The following IRS1 variants were observed in gnomAD, a reference collection of about 807,000 sequenced individuals.
IRS1 encodes the protein insulin receptor substrate 1.
In IRS1, 34 loss-of-function variants were observed where a neutral mutation model predicts 65.6. That is an observed-to-expected ratio of 0.52 (90% CI 0.39 to 0.69). The LOEUF (loss-of-function observed/expected upper bound fraction) is 0.69. IRS1 is among the 30% of genes least tolerant of loss of function. The probability of loss-of-function intolerance (pLI) is 0.00; values close to 1 mark genes in which losing one functional copy is unlikely to be tolerated. For synonymous variants in IRS1, 699 were observed against 683.5 expected, an observed-to-expected ratio of 1.02 and a Z score of -0.35; for missense variants, 1,641 against 1,720.2, an observed-to-expected ratio of 0.95 and a Z score of 0.81.
intron 1 of IRS1, chr2:226,792,175 C>A (rs1939626227): frequency 6.6e-6 from 1 of 151,608 alleles, no homozygotes; most frequent in African/African-American, 2.4e-5. Context: ...GAGGGCATAA[C>A]AAAGAATGAC....
At chr2:226,751,370 A>G (rs898873716) in intron 1 of IRS1, among the ~76,000 whole-genome samples, 6 of 129,382 alleles carry the variant, frequency 4.6e-5, no homozygotes, top group South Asian at 4.9e-4. Context: ...TGCAAGCTCC[A>G]CCTCCCGGGT....
chr2:226,742,012 C>T (rs1328032777), intron 1 of IRS1, among the ~76,000 whole-genome samples: 1 of 152,122 alleles, frequency 6.6e-6, no homozygotes, highest in Non-Finnish European at 1.5e-5. Context: ...CAGCTTAAAG[C>T]CTTGGTTCTA....
chr2:226,798,783 AAAC>A lies in IRS1; in HGVS notation c.-48_-46del. 8 of 1,583,312 alleles carry A rather than the reference AAAC, an allele frequency of 5.1e-6. No homozygotes were observed. Among genetic ancestry groups the A allele is most frequent in the Non-Finnish European group, 6.9e-6 (8 of 1,165,600 alleles). ...ACGCTGAGCAGAGGGAGGCTCCGAAAAACAACCGGGTGGGGGGCGGAGGCTCCT... is the reference window on the plus strand; with the variant it reads ...ACGCTGAGCAGAGGGAGGCTCCGAAAAACCGGGTGGGGGGCGGAGGCTCCT... On this transcript the variant is annotated 5_prime_UTR_variant, in exon 1 of 2. Coordinates refer to ENST00000305123, the MANE Select transcript of IRS1 (RefSeq NM_005544.3). This position sits in a 1 kb window ranked among gnomAD's most constrained non-coding sequence, Gnocchi z 9.4.
chr2:226,797,539 A>G lies in IRS1; in HGVS notation c.1200T>C (p.His400=), dbSNP rs13306468. The G allele has an allele frequency of 2.0e-4, 321 of 1,609,392 alleles. No individual in the cohort carries two copies. The East Asian group carries it at 4.2e-3, about 21-fold the overall frequency. The change falls in exon 1 of 2, where the codon CAT becomes CAC. Residue 400 remains histidine, a synonymous_variant. Transcript: ENST00000305123. The surrounding 1 kb of genome is among the most constrained non-coding windows in gnomAD (Gnocchi z 8.1). Reference sequence around the variant, plus strand: ...GGAAGAGACAATCCGAGGTGGAGCCATGGCCACTGGTGCTACTGGACGACA... The same window carrying G: ...GGAAGAGACAATCCGAGGTGGAGCCGTGGCCACTGGTGCTACTGGACGACA... ...VSLSSSSTSG[H]GSTSDCLFPR... is the part of the protein sequence containing the mutation.
In IRS1 at chr2:226,735,889, T is replaced by TGA. The variant is rs1408572144; in HGVS notation, c.*382_*383insTC. 6.5e-6 allele frequency: 1 copy of TGA among 152,690 alleles called. No individual in the cohort carries two copies. The highest frequency in any genetic ancestry group is 1.5e-5 in the Non-Finnish European group (1 of 68,044). 9.5% of individuals were successfully genotyped at this position (152,690 alleles called of 1,614,324 possible). A position where few individuals can be genotyped will look rare whatever the true frequency, so the allele number is the denominator to read the frequency against. ...CAATGATGCTTTGTCGTACACAGTT[T>TGA]CAGCAGCAGATGAAATGTATCTTGA... On this transcript the variant is annotated 3_prime_UTR_variant, in exon 2 of 2. Transcript: ENST00000305123.
chr2:226,792,169 G>C (rs924521508), intron 1 of IRS1: 1 of 151,978 alleles, frequency 6.6e-6, no homozygotes, highest in Non-Finnish European at 1.5e-5. Flanking sequence ...AAGGGGGAGG[G>C]CATAACAAAG....
intron 1 of IRS1, among the ~76,000 whole-genome samples, chr2:226,750,845 G>C (rs559577294): frequency 1.9e-4 from 29 of 152,092 alleles, no homozygotes; most frequent in Non-Finnish European, 4.1e-4. Context: ...GTTAAAGTGC[G>C]GATTCTGCTT....
chr2:226,755,913 G>T (rs1482303313), intron 1 of IRS1, among the ~76,000 whole-genome samples: 2 of 152,228 alleles, frequency 1.3e-5, no homozygotes, highest in Admixed American at 1.3e-4. Context: ...GTATATGGGA[G>T]AGAAGCACGG....
intron 1 of IRS1, among the ~76,000 whole-genome samples, chr2:226,757,790 C>T (rs188070964): frequency 1.7e-3 from 264 of 152,148 alleles, no homozygotes; most frequent in Middle Eastern, 0.01. Context: ...AAGCCTTTTC[C>T]CTTGAACTTT....
intron 1 of IRS1, among the ~76,000 whole-genome samples, chr2:226,740,205 G>C (rs141981661): frequency 1.3e-5 from 2 of 152,278 alleles, no homozygotes; most frequent in South Asian, 4.1e-4. Flanking sequence ...GAAATACAAT[G>C]CACCTGTCAC....
intron 1 of IRS1, among the ~76,000 whole-genome samples, chr2:226,769,267 CTG>C (rs1312693324): frequency 6.6e-6 from 1 of 152,140 alleles, no homozygotes; most frequent in Non-Finnish European, 1.5e-5. Flanking sequence ...GATGATGAAA[CTG>C]AAGACAACTA....
intron 1 of IRS1, among the ~76,000 whole-genome samples, chr2:226,774,223 A>G (rs1248581933): frequency 6.6e-6 from 1 of 152,240 alleles, no homozygotes; most frequent in African/African-American, 2.4e-5. Context: ...TCAAAATCAC[A>G]AAATACTTTT....
rs1939709611 is a variant in IRS1 at position 226,795,840 on chromosome 2, G to A, written c.2899C>T (p.Pro967Ser). The stretch of plus-strand genomic sequence containing the variant: ...ATGCTAGCAGCCCCGGGAGGTGCAG[G>A]GCCCAGTCTGCCCATCTCGACCCCA... ...STGVEMGRLG[P>S]APPGAASICR... The change falls in exon 1 of 2, where the codon CCT (proline) becomes TCT (serine). Residue 967 changes from proline (P) to serine (S), a missense_variant. Physicochemically the swap from Pro to Ser is moderately conservative, Grantham distance 74. Coordinates refer to ENST00000305123, the MANE Select transcript of IRS1 (RefSeq NM_005544.3). 1 of 1,613,296 alleles carries A rather than the reference G, an allele frequency of 6.2e-7. No homozygotes were observed. Among genetic ancestry groups the A allele is most frequent in the Non-Finnish European group, 8.5e-7 (1 of 1,179,906 alleles).
At chr2:226,777,968 A>G (rs898406188) in intron 1 of IRS1, among the ~76,000 whole-genome samples, 12 of 152,184 alleles carry the variant, frequency 7.9e-5, no homozygotes, top group Non-Finnish European at 1.8e-4. Context: ...TAGTCAGTTT[A>G]ATTAGAATTG....
At chr2:226,780,792 G>A (rs1245681579) in intron 1 of IRS1, among the ~76,000 whole-genome samples, 2 of 152,112 alleles carry the variant, frequency 1.3e-5, no homozygotes, top group African/African-American at 2.4e-5. Flanking sequence ...ATCTGATATT[G>A]TTAAATCTGA....
chr2:226,776,954 C>T (rs1236408086), intron 1 of IRS1, among the ~76,000 whole-genome samples: 1 of 152,078 alleles, frequency 6.6e-6, no homozygotes, highest in East Asian at 1.9e-4. Context: ...AGAAAAACAT[C>T]AGACAAATCC....
At position 226,799,666 on chromosome 2, in the gene IRS1, C is replaced by G; in HGVS notation, c.-928G>C. 1 of 1,000,120 alleles carries G rather than the reference C, an allele frequency of 1.0e-6. No homozygotes were observed. The highest frequency in any genetic ancestry group is 1.2e-6 in the Non-Finnish European group (1 of 829,914). 62.0% of individuals were successfully genotyped at this position (1,000,120 alleles called of 1,614,324 possible). On this transcript the variant is annotated 5_prime_UTR_variant, in exon 1 of 2. Transcript: ENST00000305123. The surrounding 1 kb of genome is among the most constrained non-coding windows in gnomAD (Gnocchi z 6.1). Reference sequence around the variant, plus strand: ...GCAGTTACTTCTCCCCTCCTCCCTCCTCCTCCTCCTCCTCGGAGAGTTGCC... The same window carrying G: ...GCAGTTACTTCTCCCCTCCTCCCTCGTCCTCCTCCTCCTCGGAGAGTTGCC...
chr2:226,731,891 G>T lies in IRS1; in HGVS notation c.*4381C>A, dbSNP rs1395119734. On this transcript the variant is annotated 3_prime_UTR_variant, in exon 2 of 2. Transcript: ENST00000305123. ...TATGCAAATATGGACAAGTTTTCCT[G>T]TTTACTGAATTTGTCCTATCCTATG... The T allele has an allele frequency of 1.3e-5, 2 of 152,022 alleles. No homozygotes were observed. Among genetic ancestry groups the T allele is most frequent in the African/African-American group, 2.4e-5 (1 of 41,376 alleles). 9.4% of individuals were successfully genotyped at this position (152,022 alleles called of 1,614,324 possible).
At chr2:226,781,903 C>G (rs1044025812) in intron 1 of IRS1, among the ~76,000 whole-genome samples, 2 of 151,582 alleles carry the variant, frequency 1.3e-5, no homozygotes, top group African/African-American at 4.9e-5. Context: ...CACACACACA[C>G]ACACGTTTGG....
Sources: gnomAD v4.1 joint callset for allele counts (sites outside exome capture counted in the v4.1 genomes callset) on GRCh38, gnomAD v4.1.1 for gene constraint, Gnocchi (gnomAD v3.1) non-coding constraint, MANE v1.5 for transcripts, NCBI Gene and HGNC (gene_info 2026-07-23, HGNC 2026-07-21) for gene names.